The following RBFOX1 variants were observed in gnomAD, a reference collection of about 807,000 sequenced individuals.
RBFOX1 encodes RNA binding fox-1 homolog 1.
A neutral mutation model predicts 57.7 loss-of-function variants in RBFOX1; 8 were observed. The ratio of observed to expected loss-of-function variants is 0.14; its 90% CI spans 0.08 to 0.25. RBFOX1 has a LOEUF of 0.25. Ranked by LOEUF, RBFOX1 falls within the 10% of genes least tolerant of loss-of-function variation. The pLI is 1.00. For synonymous variants in RBFOX1, 326 were observed against 222.4 expected (o/e 1.47, Z -4.15); for missense variants, 611 against 548.5 (o/e 1.11, Z -1.14).
chr16:5,380,524 G>T (rs1344942031), intron 1 of RBFOX1, among the ~76,000 whole-genome samples: 1 of 152,222 alleles, frequency 6.6e-6, no homozygotes, highest in Admixed American at 6.5e-5. Flanking sequence ...GGGTCTCCAA[G>T]TCTTCATGCC....
At chr16:5,817,821 G>A (rs1004586141) in intron 3 of RBFOX1, among the ~76,000 whole-genome samples, 5 of 151,918 alleles carry the variant, frequency 3.3e-5, no homozygotes. Context: ...AGCCTCAGTA[G>A]CTGGGACTAC....
At chr16:5,978,801 A>T (rs979463972) in intron 4 of RBFOX1, among the ~76,000 whole-genome samples, 2 of 151,258 alleles carry the variant, frequency 1.3e-5, no homozygotes, top group Admixed American at 6.6e-5. Context: ...TGGGGTTTGG[A>T]GTTGTGGGGA....
At chr16:5,383,551 T>C (rs1461120946) in intron 1 of RBFOX1, among the ~76,000 whole-genome samples, 1 of 152,204 alleles carries the variant, frequency 6.6e-6, no homozygotes, top group Non-Finnish European at 1.5e-5. Context: ...TGCTTAAACT[T>C]TCTGAGCCTC....
chr16:5,735,229 C>A (rs186200957), intron 3 of RBFOX1, among the ~76,000 whole-genome samples: 1 of 152,154 alleles, frequency 6.6e-6, no homozygotes, highest in South Asian at 2.1e-4. Context: ...AGGAAGGGGT[C>A]AGGACCCTCC....
Position 7,436,911 on chromosome 16 carries a change from A to T in RBFOX1, c.28-81236A>T, listed in dbSNP as rs115740700. Among the ~76,000 whole-genome samples, 469 of 152,262 alleles carry T rather than the reference A, an allele frequency of 3.1e-3. 2 individuals carry two copies. The highest frequency in any genetic ancestry group is 9.1e-3 in the African/African-American group (377 of 41,554). Reference sequence around the variant, plus strand: ...GCCCCATCACTACTAAAAATACAAAAAAATAAATAAATAAATAAAAATAGC... The same window carrying T: ...GCCCCATCACTACTAAAAATACAAATAAATAAATAAATAAATAAAAATAGC... On this transcript the variant is annotated intron_variant, in intron 4 of 15. Transcript: ENST00000550418.
chr16:6,782,055 G>C (rs999844739), intron 3 of RBFOX1, among the ~76,000 whole-genome samples: 4 of 152,052 alleles, frequency 2.6e-5, no homozygotes, highest in African/African-American at 9.7e-5. Flanking sequence ...TCACTGGGCT[G>C]GAGTGCAGTG....
chr16:6,894,722 A>T (rs959166776), intron 3 of RBFOX1, among the ~76,000 whole-genome samples: 5 of 152,186 alleles, frequency 3.3e-5, no homozygotes, highest in Non-Finnish European at 2.9e-5. Flanking sequence ...AATTTTGTAA[A>T]AAGGTTACCA....
rs1568633835 is a variant in RBFOX1, at chr16:7,711,833, ATTGAGTAGAGATAAT to A, written c.*1089_*1103del. The A allele has an allele frequency of 6.6e-6, 1 of 152,538 alleles. No individual in the cohort carries two copies. Among genetic ancestry groups the A allele is most frequent in the African/African-American group, 2.4e-5 (1 of 41,396 alleles). 9.4% of individuals were successfully genotyped at this position (152,538 alleles called of 1,614,324 possible). On this transcript the variant is annotated 3_prime_UTR_variant, in exon 16 of 16. Transcript: ENST00000550418. ...GAAGCATTTTACAAGTATTGCAATC[ATTGAGTAGAGATAAT>A]CATGGTATTTTCATCAGCTTGGTAC...
intron 1 of RBFOX1, among the ~76,000 whole-genome samples, chr16:6,032,882 G>GT (rs34481482): frequency 0.65 from 90,895 of 140,006 alleles, 31,548 homozygotes; most frequent in East Asian, 0.81. Flanking sequence ...CCTAGTGTAA[G>GT]TTTTTTTTTT....
chr16:7,485,758 C>T (rs1361583179), intron 4 of RBFOX1, among the ~76,000 whole-genome samples: 1 of 152,252 alleles, frequency 6.6e-6, no homozygotes, highest in Non-Finnish European at 1.5e-5. Flanking sequence ...TCCCAACTCT[C>T]TCATGTCTGA....
intron 5 of RBFOX1, among the ~76,000 whole-genome samples, chr16:7,546,302 G>T (rs565254453): frequency 1.3e-5 from 2 of 150,972 alleles, no homozygotes; most frequent in Admixed American, 1.3e-4. Context: ...ACTCTAGCCT[G>T]GGCAAAAGGG....
intron 3 of RBFOX1, among the ~76,000 whole-genome samples, chr16:6,898,595 G>C (rs1225657448): frequency 1.3e-5 from 2 of 152,154 alleles, no homozygotes; most frequent in Non-Finnish European, 2.9e-5. Flanking sequence ...GTCCGTGGGA[G>C]TAACATAAAA....
At position 5,628,740 on chromosome 16, in the gene RBFOX1, C is replaced by A. The variant is rs191553099; in HGVS notation, c.318+29779C>A. 7.8e-3 allele frequency among the ~76,000 whole-genome samples: 1,183 copies of A among 152,266 alleles called. 8 individuals carry two copies. The highest frequency in any genetic ancestry group is 0.012 in the Non-Finnish European group (846 of 68,010). Reference sequence around the variant, plus strand: ...ATAGCAGTCTCTTGCTTTTCACCTGCCAAGTTCCAAGGGCAGGATTTTATA... The same window carrying A: ...ATAGCAGTCTCTTGCTTTTCACCTGACAAGTTCCAAGGGCAGGATTTTATA... On this transcript the variant is annotated intron_variant, in intron 3 of 19. Transcript: ENST00000641259.
intron 3 of RBFOX1, among the ~76,000 whole-genome samples, chr16:6,736,726 A>C (rs548501313): frequency 1.3e-5 from 2 of 152,208 alleles, no homozygotes; most frequent in Non-Finnish European, 2.9e-5. Flanking sequence ...TTCCTTAATG[A>C]ATCTCCACAC....
intron 2 of RBFOX1, among the ~76,000 whole-genome samples, chr16:6,425,212 A>T (rs893948455): frequency 6.6e-6 from 1 of 152,180 alleles, no homozygotes; most frequent in Non-Finnish European, 1.5e-5. Context: ...TTTTAGCCAG[A>T]ATCTACTTCC....
chr16:5,720,904 A>T (rs1040321961), intron 3 of RBFOX1, among the ~76,000 whole-genome samples: 2 of 152,104 alleles, frequency 1.3e-5, no homozygotes, highest in African/African-American at 4.8e-5. Flanking sequence ...GATTGTTTTG[A>T]TTATTCTGAA....
chr16:7,079,135 A>G (rs550152537), intron 4 of RBFOX1, among the ~76,000 whole-genome samples: 28 of 152,106 alleles, frequency 1.8e-4, no homozygotes, highest in African/African-American at 6.5e-4. Context: ...GGAGCCATAC[A>G]TTGTCTGTTG....
chr16:6,817,283 C>G (rs1047689497), intron 3 of RBFOX1, among the ~76,000 whole-genome samples: 28 of 152,098 alleles, frequency 1.8e-4, no homozygotes, highest in African/African-American at 6.8e-4. Context: ...CTTAATGTGT[C>G]ATAGCTTCAA....
intron 11 of RBFOX1, among the ~76,000 whole-genome samples, chr16:7,651,190 T>C (rs1228698975): frequency 6.6e-6 from 1 of 152,224 alleles, no homozygotes; most frequent in Non-Finnish European, 1.5e-5. Flanking sequence ...GTAGAATCCA[T>C]AGAACAGGAC....
Sources: allele counts gnomAD v4.1 joint callset (sites outside exome capture counted in the v4.1 genomes callset), GRCh38; gene constraint gnomAD v4.1.1; transcripts MANE v1.5; gene names NCBI Gene and HGNC (gene_info 2026-07-23, HGNC 2026-07-21).